The following NLGN1 variants were observed in gnomAD, a reference collection of about 807,000 sequenced individuals.
The protein encoded by NLGN1 is neuroligin-1.
A neutral mutation model predicts 65.5 loss-of-function variants in NLGN1; 12 were observed. The ratio of observed to expected loss-of-function variants is 0.18; its 90% confidence interval spans 0.12 to 0.30. The LOEUF (loss-of-function observed/expected upper bound fraction) is 0.30. Among genes scored for constraint, NLGN1 ranks in the 10% least tolerant of loss-of-function variants. The pLI, the probability that NLGN1 is intolerant of heterozygous loss-of-function variation, is 1.00. For missense variants in NLGN1, 750 were observed against 1,007.1 expected (o/e 0.74, Z 3.46); for synonymous variants, 350 against 359.5 (o/e 0.97, Z 0.30).
In NLGN1 at chr3:174,160,412, CT is replaced by C. The variant is rs535505534; in HGVS notation, c.647-114895del. 8.9e-4 allele frequency among the ~76,000 whole-genome samples: 135 copies of C among 151,580 alleles called. 2 individuals are homozygous for C. Among genetic ancestry groups the C allele is most frequent in the Non-Finnish European group, 1.4e-3 (96 of 67,692 alleles). Reference sequence around the variant, plus strand: ...TAACCATAGTAATGAATAACTTAAACTTTTTTTTCATTATTACAAATATTTG... The same window carrying C: ...TAACCATAGTAATGAATAACTTAAACTTTTTTTCATTATTACAAATATTTG... On this transcript the variant is annotated intron_variant, in intron 4 of 6. Coordinates refer to ENST00000457714, the Ensembl canonical transcript of NLGN1.
At chr3:173,634,228 C>T (rs1756206627) in intron 3 of NLGN1, among the ~76,000 whole-genome samples, 1 of 151,840 alleles carries the variant, frequency 6.6e-6, no homozygotes, top group Admixed American at 6.6e-5. Flanking sequence ...AATCACTAGA[C>T]AATTTGTTAA....
At chr3:174,032,998 C>A (rs1051512566) in intron 4 of NLGN1, among the ~76,000 whole-genome samples, 2 of 131,884 alleles carry the variant, frequency 1.5e-5, no homozygotes, top group South Asian at 2.4e-4. Context: ...AGATATAGAT[C>A]TATCTATATA....
At chr3:173,877,217 T>C (rs1379952193) in intron 4 of NLGN1, among the ~76,000 whole-genome samples, 4 of 152,188 alleles carry the variant, frequency 2.6e-5, no homozygotes, top group Admixed American at 2.0e-4. Context: ...GTGGATATCA[T>C]GTACCTTCTC....
chr3:173,760,080 T>G (rs938194939), intron 3 of NLGN1, among the ~76,000 whole-genome samples: 1 of 152,024 alleles, frequency 6.6e-6, no homozygotes, highest in Admixed American at 6.6e-5. Flanking sequence ...GAACCATGTG[T>G]GCTTCTCTGC....
intron 2 of NLGN1, among the ~76,000 whole-genome samples, chr3:173,508,513 G>A (rs1471231428): frequency 2.0e-5 from 3 of 152,098 alleles, no homozygotes; most frequent in Non-Finnish European, 4.4e-5. Flanking sequence ...TACATCTGCA[G>A]GAACATTATT....
At chr3:173,558,964 C>A (rs956433218) in intron 2 of NLGN1, among the ~76,000 whole-genome samples, 1 of 152,038 alleles carries the variant, frequency 6.6e-6, no homozygotes, top group Non-Finnish European at 1.5e-5. Flanking sequence ...ATGTAGGAAT[C>A]CTCGGTCAGA....
intron 4 of NLGN1, among the ~76,000 whole-genome samples, chr3:173,924,208 A>G (rs1742581273): frequency 6.6e-6 from 1 of 152,140 alleles, no homozygotes. Context: ...CAAAAACCTG[A>G]AAGAGATATA....
chr3:174,103,963 T>C lies in NLGN1; in HGVS notation c.647-171352T>C, dbSNP rs150513612. On this transcript the variant is annotated intron_variant, in intron 4 of 6. Coordinates refer to ENST00000457714, the Ensembl canonical transcript of NLGN1. ...TATAGATTACTGGCAACATTTCTAG[T>C]TTATCTTTTGTATAAAAGCAGAAAA... is the stretch of plus-strand genomic sequence containing the variant. Among the ~76,000 whole-genome samples the C allele has an allele frequency of 6.2e-3, 948 of 152,230 alleles. 25 individuals carry two copies. The highest frequency in any genetic ancestry group is 0.039 in the East Asian group (204 of 5,190).
chr3:174,236,239 T>C (rs1252159954), intron 4 of NLGN1, among the ~76,000 whole-genome samples: 2 of 152,138 alleles, frequency 1.3e-5, no homozygotes, highest in Non-Finnish European at 2.9e-5. Context: ...AATACCAGTA[T>C]GTTACTCGAA....
At chr3:174,283,672 TTATC>T (rs1751796665) in exon 7 of NLGN1, 1 of 151,364 alleles carries the variant, frequency 6.6e-6, no homozygotes, top group South Asian at 2.1e-4. Flanking sequence ...CTCCCAATTA[TTATC>T]TATCAAAGAA....
At chr3:173,774,430 A>G (rs186597342) in intron 3 of NLGN1, among the ~76,000 whole-genome samples, 1 of 152,326 alleles carries the variant, frequency 6.6e-6, no homozygotes, top group African/African-American at 2.4e-5. Flanking sequence ...TTTTCCACAC[A>G]AACTCCTGTA....
At chr3:174,143,708 G>A (rs1019155924) in intron 4 of NLGN1, among the ~76,000 whole-genome samples, 4 of 151,818 alleles carry the variant, frequency 2.6e-5, no homozygotes, top group Non-Finnish European at 5.9e-5. Context: ...ATAAAATTAC[G>A]GTCAGTCACT....
intron 4 of NLGN1, among the ~76,000 whole-genome samples, chr3:173,829,692 C>T (rs1043584629): frequency 6.6e-6 from 1 of 152,056 alleles, no homozygotes; most frequent in East Asian, 1.9e-4. Context: ...GAACTTAATT[C>T]ATTTTATAAC....
chr3:173,714,213 A>G (rs993774132), intron 3 of NLGN1, among the ~76,000 whole-genome samples: 1 of 152,138 alleles, frequency 6.6e-6, no homozygotes, highest in Non-Finnish European at 1.5e-5. Flanking sequence ...GGGCTCTGAA[A>G]TACATTTGGT....
chr3:174,271,822 C>T (rs1577725719), intron 4 of NLGN1, among the ~76,000 whole-genome samples: 2 of 151,714 alleles, frequency 1.3e-5, no homozygotes, highest in South Asian at 2.1e-4. Context: ...TTGTAATAGA[C>T]ACGTGAATCA....
intron 4 of NLGN1, among the ~76,000 whole-genome samples, chr3:174,194,312 CGTGGTG>C (rs1732956748): frequency 6.6e-6 from 1 of 151,746 alleles, no homozygotes; most frequent in Non-Finnish European, 1.5e-5. Flanking sequence ...ATTAGCTGGG[CGTGGTG>C]GTGCACCTGT....
At chr3:174,008,218 A>G (rs1312796487) in intron 4 of NLGN1, among the ~76,000 whole-genome samples, 3 of 152,102 alleles carry the variant, frequency 2.0e-5, no homozygotes, top group Non-Finnish European at 4.4e-5. Context: ...AGATTAATAG[A>G]AAGATCTCAC....
At chr3:173,464,501 T>C (rs1027251193) in intron 2 of NLGN1, among the ~76,000 whole-genome samples, 1 of 146,790 alleles carries the variant, frequency 6.8e-6, no homozygotes, top group Non-Finnish European at 1.5e-5. Context: ...AATGGCGCAA[T>C]CTCGGCTCAC....
intron 4 of NLGN1, among the ~76,000 whole-genome samples, chr3:173,854,559 C>A (rs1220187771): frequency 1.3e-5 from 2 of 151,908 alleles, no homozygotes; most frequent in African/African-American, 4.8e-5. Context: ...GCCTATTTAA[C>A]TTTTTTTAAA....
Sources: allele counts gnomAD v4.1 joint callset (sites outside exome capture counted in the v4.1 genomes callset), GRCh38; gene constraint gnomAD v4.1.1; transcripts MANE v1.5; gene names NCBI Gene and HGNC (gene_info 2026-07-23, HGNC 2026-07-21).